The following LAMA2 variants were observed in gnomAD, a reference collection of about 807,000 sequenced individuals.
LAMA2 encodes laminin subunit alpha 2, also known as laminin subunit alpha-2.
In LAMA2, 269 loss-of-function variants were observed where a neutral mutation model predicts 364.8. The observed-to-expected ratio is 0.74, with a 90% CI of 0.67 to 0.82. The LOEUF (loss-of-function observed/expected upper bound fraction) is 0.82, where lower values mean the gene tolerates loss of function less well. Ranked by LOEUF, LAMA2 falls within the 40% of genes least tolerant of loss-of-function variation. LAMA2 has a pLI of 0.00. For synonymous variants in LAMA2, 1,379 were observed against 1,370.6 expected (o/e 1.01, Z -0.14); for missense variants, 3,807 against 3,873.2 (o/e 0.98, Z 0.45).
intron 1 of LAMA2, among the ~76,000 whole-genome samples, chr6:128,992,843 G>A (rs924745465): frequency 6.6e-6 from 1 of 152,086 alleles, no homozygotes; most frequent in African/African-American, 2.4e-5. Context: ...TTGTAGGTAC[G>A]TCACCTCCTT....
In LAMA2 at chr6:129,440,915, T is replaced by A. The variant is rs1199984582; in HGVS notation, c.6185T>A (p.Leu2062His). 3 of 1,613,930 alleles carry A rather than the reference T, an allele frequency of 1.9e-6. No homozygotes were observed. The Admixed American group carries it at 5.0e-5, about 27-fold the overall frequency. Reference protein sequence around the residue: ...LAQITELHQNLDGLKKNYNKL... With the variant: ...LAQITELHQNHDGLKKNYNKL... Reference sequence around the variant, plus strand: ...CAGATTACAGAGCTCCACCAGAACCTCGATGGCCTGAAGAAGAATTACAAT... The same window carrying A: ...CAGATTACAGAGCTCCACCAGAACCACGATGGCCTGAAGAAGAATTACAAT... Residue 2062 changes from leucine to histidine, a missense_variant, in exon 43 of 65, where the codon CTC becomes CAC. Around this residue, in one of 3 missense-constraint regions of LAMA2, gnomAD observed 3,333 missense variants for 3,345.7 expected, o/e 1.00. Coordinates refer to ENST00000421865, the MANE Select transcript of LAMA2 (RefSeq NM_000426.4).
At chr6:129,265,973 A>T (rs1787483719) in intron 15 of LAMA2, among the ~76,000 whole-genome samples, 1 of 152,026 alleles carries the variant, frequency 6.6e-6, no homozygotes, top group Admixed American at 6.6e-5. Flanking sequence ...AAATTTTTTT[A>T]TGTGTTCATT....
chr6:128,976,908 C>T (rs187102812), intron 1 of LAMA2, among the ~76,000 whole-genome samples: 150 of 152,284 alleles, frequency 9.9e-4, no homozygotes, highest in African/African-American at 3.5e-3. Context: ...GTTACTGTTC[C>T]TGTCTTCTAA....
chr6:129,333,287 C>T (rs998233113), intron 29 of LAMA2, among the ~76,000 whole-genome samples: 1 of 152,082 alleles, frequency 6.6e-6, no homozygotes, highest in African/African-American at 2.4e-5. Flanking sequence ...AATTGTCTCC[C>T]AAAATAATAA....
rs565429072 is a variant in LAMA2 at position 129,393,192 on chromosome 6, A to G, written c.5382A>G (p.Thr1794=). The G allele has an allele frequency of 8.9e-5, 144 of 1,614,124 alleles. 1 individual carries two copies. The South Asian group carries it at 1.2e-3, about 13-fold the overall frequency. ...DDAWDLLREA[T]DKIREANRLF... ...CTTGGGACCTTTTGAGAGAAGCCAC[A>G]GATAAAATCAGAGAAGCTAATCGCC... The change falls in exon 37 of 65, where the codon ACA becomes ACG. Residue 1794 remains threonine, a synonymous_variant. Coordinates refer to ENST00000421865, the MANE Select transcript of LAMA2 (RefSeq NM_000426.4).
chr6:128,929,653 C>A, intron 1 of LAMA2: 14 of 1,428,510 alleles, frequency 9.8e-6, no homozygotes, highest in Non-Finnish European at 1.4e-5. Context: ...GTGATGCGGT[C>A]TCGGTTTGTC....
chr6:128,941,068 A>G (rs1019225022), intron 1 of LAMA2, among the ~76,000 whole-genome samples: 2 of 152,234 alleles, frequency 1.3e-5, no homozygotes, highest in Non-Finnish European at 2.9e-5. Flanking sequence ...TAAAGGAAGA[A>G]GTTAAGAGCA....
At chr6:129,194,596 G>A (rs1288522654) in intron 12 of LAMA2, among the ~76,000 whole-genome samples, 1 of 152,066 alleles carries the variant, frequency 6.6e-6, no homozygotes, top group Non-Finnish European at 1.5e-5. Flanking sequence ...TGCCTGTACT[G>A]CCGTTTCCAT....
chr6:129,346,961 A>G (rs1309308962), intron 30 of LAMA2, among the ~76,000 whole-genome samples: 15 of 152,084 alleles, frequency 9.9e-5, no homozygotes, highest in African/African-American at 2.4e-5. Context: ...CCCCTCAGAG[A>G]AAAAAGTCAC....
rs1170993079 is a variant in LAMA2 at position 129,427,768 on chromosome 6, G to T, written c.5882G>T (p.Gly1961Val). Residue 1961 changes from glycine (G) to valine (V), a missense_variant, in exon 41 of 65, where the codon GGT becomes GTT. By Grantham distance (109) the Gly-to-Val change is moderately radical. Transcript: ENST00000421865. Reference sequence around the variant, plus strand: ...TGTCCACAGGCAACAGGTCCTCGGGGTTTATTAAAGGAAGATGCCAAAGGC... The same window carrying T: ...TGTCCACAGGCAACAGGTCCTCGGGTTTTATTAAAGGAAGATGCCAAAGGC... ...EATKLATGPRGLLKEDAKGCL... is the reference protein window; with the variant it reads ...EATKLATGPRVLLKEDAKGCL... 6.2e-7 allele frequency: 1 copy of T among 1,613,266 alleles called. No individual in the cohort carries two copies. The highest frequency in any genetic ancestry group is 1.3e-5 in the African/African-American group (1 of 74,902).
intron 33 of LAMA2, 138 bp downstream of exon 33, chr6:129,366,499 T>C: frequency 2.1e-6 from 2 of 957,504 alleles, no homozygotes; most frequent in Middle Eastern, 3.1e-4. Flanking sequence ...TCAGAGACTT[T>C]CTTAACCAGT....
chr6:129,451,483 C>T (rs1358424561), intron 45 of LAMA2, among the ~76,000 whole-genome samples: 1 of 152,172 alleles, frequency 6.6e-6, no homozygotes, highest in Non-Finnish European at 1.5e-5. Context: ...CCACCACACT[C>T]AGGCCTCCAG....
At chr6:129,052,772 T>C (rs77545050) in intron 2 of LAMA2, among the ~76,000 whole-genome samples, 14,464 of 152,162 alleles carry the variant, frequency 0.095, 871 homozygotes, top group Middle Eastern at 0.14. Flanking sequence ...TTTTTTTAAA[T>C]TATAAAATGT....
chr6:128,931,475 C>CT (rs1779472942), intron 1 of LAMA2, among the ~76,000 whole-genome samples: 1 of 151,938 alleles, frequency 6.6e-6, no homozygotes, highest in Non-Finnish European at 1.5e-5. Context: ...TTAAAACTAC[C>CT]GTTTTTTTCT....
At chr6:129,210,030 T>A (rs1423636559) in intron 12 of LAMA2, among the ~76,000 whole-genome samples, 2 of 126,830 alleles carry the variant, frequency 1.6e-5, no homozygotes, top group African/African-American at 3.3e-5. Context: ...AAAAAATTTT[T>A]ACTATTGACC....
intron 1 of LAMA2, among the ~76,000 whole-genome samples, chr6:128,922,654 C>G (rs144593642): frequency 6.6e-6 from 1 of 151,354 alleles, no homozygotes; most frequent in African/African-American, 2.4e-5. Context: ...CCCATTTTGT[C>G]GGTTGCCTGT....
At chr6:129,265,965 AT>A (rs1377021930) in intron 15 of LAMA2, among the ~76,000 whole-genome samples, 1 of 152,166 alleles carries the variant, frequency 6.6e-6, no homozygotes, top group South Asian at 2.1e-4. Context: ...CAGTACATAA[AT>A]TTTTTTATGT....
intron 1 of LAMA2, among the ~76,000 whole-genome samples, chr6:128,948,561 G>C (rs1193967314): frequency 6.6e-6 from 1 of 152,102 alleles, no homozygotes; most frequent in Non-Finnish European, 1.5e-5. Flanking sequence ...TAGGACATTT[G>C]GGAAATGTGA....
intron 12 of LAMA2, among the ~76,000 whole-genome samples, chr6:129,237,282 C>T (rs181033418): frequency 3.4e-4 from 52 of 152,120 alleles, no homozygotes; most frequent in South Asian, 2.5e-3. Flanking sequence ...GATGGACGTA[C>T]GGACATTTTC....
Sources: gnomAD v4.1 joint callset for allele counts (sites outside exome capture counted in the v4.1 genomes callset) on GRCh38, gnomAD v4.1.1 for gene constraint, gnomAD v4.1.1 regional missense constraint, MANE v1.5 for transcripts, NCBI Gene and HGNC (gene_info 2026-07-23, HGNC 2026-07-21) for gene names.